Variants in SOX6 observed in about 807,000 individuals in gnomAD.
The protein encoded by SOX6 is transcription factor SOX-6.
Under a neutral mutation model 97.8 loss-of-function variants are expected in SOX6, and 11 were observed. That is an observed-to-expected ratio of 0.11 (90% CI 0.07 to 0.19). The LOEUF (loss-of-function observed/expected upper bound fraction) is 0.19. Among genes scored for constraint, SOX6 ranks in the 10% least tolerant of loss-of-function variants. The probability of loss-of-function intolerance (pLI) is 1.00; values close to 1 mark genes in which losing one functional copy is unlikely to be tolerated. For synonymous variants in SOX6, 360 were observed against 371.4 expected, an observed-to-expected ratio of 0.97 and a Z score of 0.35; for missense variants, 810 against 1,039.5, an observed-to-expected ratio of 0.78 and a Z score of 3.04.
At chr11:16,194,693 C>T (rs1468004085) in intron 4 of SOX6, among the ~76,000 whole-genome samples, 2 of 152,192 alleles carry the variant, frequency 1.3e-5, no homozygotes, top group African/African-American at 4.8e-5. Flanking sequence ...TCCTACTTCC[C>T]CTCTTCCTGG....
At chr11:16,530,395 C>G (rs1036196725) in intron 4 of SOX6, among the ~76,000 whole-genome samples, 1 of 151,888 alleles carries the variant, frequency 6.6e-6, no homozygotes, top group African/African-American at 2.4e-5. Flanking sequence ...TTTCTTTACC[C>G]TTCTCCTTTG....
At position 16,208,030 on chromosome 11, in the gene SOX6, T is replaced by A. The variant is rs559493380; in HGVS notation, c.536-21075A>T. On this transcript the variant is annotated intron_variant, in intron 4 of 15. Transcript: ENST00000683767. ...GCTCAAGGCTAACTAATTAAGTTATTTCTTCCCAACATAAAAGGATTATTT... is the reference window on the plus strand; with the variant it reads ...GCTCAAGGCTAACTAATTAAGTTATATCTTCCCAACATAAAAGGATTATTT... 2.6e-5 allele frequency among the ~76,000 whole-genome samples: 4 copies of A among 152,316 alleles called. No individual in the cohort carries two copies. In the East Asian group the frequency reaches 7.7e-4, roughly 29 times the overall value.
intron 13 of SOX6, among the ~76,000 whole-genome samples, chr11:16,010,854 C>T (rs1854699295): frequency 6.6e-6 from 1 of 151,928 alleles, no homozygotes; most frequent in Admixed American, 6.6e-5. Flanking sequence ...AAAAAAAACC[C>T]TAAATGGAAC....
upstream of SOX6, among the ~76,000 whole-genome samples, chr11:16,477,683 T>TA (rs952171085): frequency 6.6e-6 from 1 of 152,180 alleles, no homozygotes; most frequent in Non-Finnish European, 1.5e-5. Context: ...AAAAAATCTC[T>TA]AAAAAAAGTT....
chr11:16,228,952 T>C (rs1565033689), intron 4 of SOX6, among the ~76,000 whole-genome samples: 1 of 152,166 alleles, frequency 6.6e-6, no homozygotes, highest in Non-Finnish European at 1.5e-5. Context: ...ACTGGTTTTT[T>C]AAGTAAAATC....
chr11:16,023,895 T>G (rs1197382330), intron 12 of SOX6, among the ~76,000 whole-genome samples: 1 of 152,152 alleles, frequency 6.6e-6, no homozygotes, highest in East Asian at 1.9e-4. Flanking sequence ...GTAATCCCAG[T>G]GAAATAACTT....
At chr11:16,418,506 TA>T (rs923264711) in intron 1 of SOX6, among the ~76,000 whole-genome samples, 1 of 152,070 alleles carries the variant, frequency 6.6e-6, no homozygotes, top group Non-Finnish European at 1.5e-5. Flanking sequence ...CAATTAGCCT[TA>T]AAAAAAGTGC....
At chr11:16,673,907 C>T (rs140114234) in intron 3 of SOX6, among the ~76,000 whole-genome samples, 2,003 of 152,116 alleles carry the variant, frequency 0.013, 31 homozygotes, top group Middle Eastern at 0.024. Flanking sequence ...TATCATTCAT[C>T]GGCTGGGCGT....
chr11:16,681,934 G>T (rs1169228597), intron 3 of SOX6, among the ~76,000 whole-genome samples: 1 of 152,140 alleles, frequency 6.6e-6, no homozygotes, highest in East Asian at 1.9e-4. Flanking sequence ...TCTCCGAATA[G>T]ACCAATAACA....
At chr11:16,153,488 C>CTGGTTAG (rs1214010277) in intron 6 of SOX6, among the ~76,000 whole-genome samples, 5 of 152,226 alleles carry the variant, frequency 3.3e-5, no homozygotes, top group African/African-American at 1.2e-4. Context: ...TCTGATAGGA[C>CTGGTTAG]TGGTTAGACA....
intron 4 of SOX6, among the ~76,000 whole-genome samples, chr11:16,601,936 C>A (rs1470458898): frequency 6.6e-6 from 1 of 152,050 alleles, no homozygotes; most frequent in African/African-American, 2.4e-5. Flanking sequence ...TGAAAAATAT[C>A]TGTTGTTTTC....
chr11:16,514,232 A>AT (rs1860926704), intron 4 of SOX6, among the ~76,000 whole-genome samples: 1 of 150,962 alleles, frequency 6.6e-6, no homozygotes, highest in African/African-American at 2.4e-5. Context: ...AAAAAAAAAA[A>AT]GGTGTTTAAA....
At chr11:16,527,977 C>T (rs528810875) in intron 4 of SOX6, among the ~76,000 whole-genome samples, 50 of 152,136 alleles carry the variant, frequency 3.3e-4, no homozygotes, top group Middle Eastern at 3.4e-3. Context: ...AATAAATATT[C>T]ATTTCTCAGG....
intron 2 of SOX6, among the ~76,000 whole-genome samples, chr11:16,322,756 C>T (rs372374901): frequency 8.5e-5 from 13 of 152,236 alleles, no homozygotes; most frequent in South Asian, 6.2e-4. Flanking sequence ...CAACTGATTC[C>T]GATGCACAGG....
At chr11:16,591,362 G>GACAGATAA (rs1848151349) in intron 4 of SOX6, among the ~76,000 whole-genome samples, 1 of 149,782 alleles carries the variant, frequency 6.7e-6, no homozygotes, top group African/African-American at 2.5e-5. Context: ...CAGATAGATA[G>GACAGATAA]ATAGATAGAT....
chr11:16,606,181 G>A (rs967888216), intron 4 of SOX6, among the ~76,000 whole-genome samples: 2 of 151,326 alleles, frequency 1.3e-5, no homozygotes, highest in Admixed American at 6.6e-5. Context: ...GGGTAGGCTA[G>A]CTGCCTGCCT....
At chr11:16,615,451 G>T (rs2133985348) in intron 3 of SOX6, among the ~76,000 whole-genome samples, 1 of 152,280 alleles carries the variant, frequency 6.6e-6, no homozygotes, top group Non-Finnish European at 1.5e-5. Flanking sequence ...AACAAATCCA[G>T]TGACTACAAA....
At chr11:15,977,431 T>G (rs947279099) in intron 15 of SOX6, among the ~76,000 whole-genome samples, 1 of 151,960 alleles carries the variant, frequency 6.6e-6, no homozygotes, top group Middle Eastern at 3.2e-3. Flanking sequence ...GTACCCAGTT[T>G]ATGATTTCAC....
chr11:16,322,349 C>T (rs1043451799), intron 2 of SOX6, among the ~76,000 whole-genome samples: 1 of 151,898 alleles, frequency 6.6e-6, no homozygotes, highest in Non-Finnish European at 1.5e-5. Flanking sequence ...TCTCTCTCTT[C>T]CTCCTGCTCC....
Sources: allele counts gnomAD v4.1 joint callset (sites outside exome capture counted in the v4.1 genomes callset), GRCh38; gene constraint gnomAD v4.1.1; transcripts MANE v1.5; gene names NCBI Gene and HGNC (gene_info 2026-07-23, HGNC 2026-07-21).